Variants in SLC4A10 observed in about 807,000 individuals in gnomAD.
The protein encoded by SLC4A10 is solute carrier family 4 member 10.
A neutral mutation model predicts 137.7 loss-of-function variants in SLC4A10; 42 were observed. The observed-to-expected ratio is 0.30, with a 90% CI of 0.24 to 0.39. SLC4A10 has a LOEUF of 0.39. SLC4A10 is among the 10% of genes least tolerant of loss of function. The probability of loss-of-function intolerance (pLI) is 1.00; values close to 1 mark genes in which losing one functional copy is unlikely to be tolerated. For missense variants in SLC4A10, 925 were observed against 1,355.0 expected (o/e 0.68, Z 4.98); for synonymous variants, 474 against 464.1 (o/e 1.02, Z -0.27).
chr2:161,890,676 G>C (rs1052137007), intron 10 of SLC4A10, among the ~76,000 whole-genome samples: 1 of 151,516 alleles, frequency 6.6e-6, no homozygotes, highest in Admixed American at 6.7e-5. Context: ...TTTTGAGCCT[G>C]TGTGTGTCTT....
chr2:161,734,938 G>T (rs1167182564), intron 1 of SLC4A10, among the ~76,000 whole-genome samples: 5 of 151,940 alleles, frequency 3.3e-5, no homozygotes, highest in Non-Finnish European at 7.4e-5. Context: ...CATGAGGTCT[G>T]ATGGTTTTAA....
At chr2:161,738,264 C>T (rs1009437275) in intron 1 of SLC4A10, among the ~76,000 whole-genome samples, 3 of 152,126 alleles carry the variant, frequency 2.0e-5, no homozygotes, top group Non-Finnish European at 4.4e-5. Context: ...CTTGGGATCC[C>T]ACTTCTGACA....
intron 14 of SLC4A10, 65 bp downstream of exon 14, chr2:161,904,974 C>A (rs1245074350): frequency 6.6e-7 from 1 of 1,507,958 alleles, no homozygotes; most frequent in Non-Finnish European, 9.0e-7. Flanking sequence ...TTATACTTCT[C>A]CCAACATCAC....
At chr2:161,872,799 C>T (rs1369583376) in intron 7 of SLC4A10, among the ~76,000 whole-genome samples, 4 of 152,134 alleles carry the variant, frequency 2.6e-5, no homozygotes, top group Non-Finnish European at 4.4e-5. Context: ...CTGCAACCTC[C>T]GCCTCCTGGG....
chr2:161,887,979 G>T (rs1005146093), intron 10 of SLC4A10, among the ~76,000 whole-genome samples: 1 of 152,146 alleles, frequency 6.6e-6, no homozygotes, highest in Non-Finnish European at 1.5e-5. Flanking sequence ...ATTAATTTTT[G>T]TATAAGGTGT....
At chr2:161,925,884 A>C in intron 15 of SLC4A10, among the ~76,000 whole-genome samples, 1 of 151,930 alleles carries the variant, frequency 6.6e-6, no homozygotes, top group African/African-American at 2.4e-5. Flanking sequence ...CTTAATCCTG[A>C]GTTCTAGTTT....
intron 4 of SLC4A10, among the ~76,000 whole-genome samples, chr2:161,851,193 T>G (rs1478947897): frequency 1.3e-5 from 2 of 152,144 alleles, no homozygotes; most frequent in Non-Finnish European, 2.9e-5. Context: ...CTGTTTTTGT[T>G]GGGTGGAGTG....
At chr2:161,646,355 T>A (rs2036027729) in intron 1 of SLC4A10, among the ~76,000 whole-genome samples, 1 of 152,026 alleles carries the variant, frequency 6.6e-6, no homozygotes, top group South Asian at 2.1e-4. Context: ...AACTGAAATT[T>A]GCTTGATGAT....
At chr2:161,804,307 A>C in intron 2 of SLC4A10, 142 bp from the exon 3 acceptor site, 2 of 828,020 alleles carry the variant, frequency 2.4e-6, no homozygotes, top group African/African-American at 3.4e-5. Flanking sequence ...AGACAGTGCC[A>C]CGCTCCAAGC....
chr2:161,812,876 A>T (rs1294056106), intron 3 of SLC4A10, among the ~76,000 whole-genome samples: 1 of 152,030 alleles, frequency 6.6e-6, no homozygotes, highest in African/African-American at 2.4e-5. Flanking sequence ...TTTCCTCTGT[A>T]GTTTAATGTT....
Position 161,862,997 on chromosome 2 carries a change from C to A in SLC4A10, c.701C>A (p.Pro234His). 1 of 1,613,894 alleles carries A rather than the reference C, an allele frequency of 6.2e-7. No individual in the cohort carries two copies. The highest frequency in any genetic ancestry group is 8.5e-7 in the Non-Finnish European group (1 of 1,179,850). ...CAGAAAAAACTCACCAACAGGATTCCCATTGTTCGTTCCTTTGCTGATATT... is the reference window on the plus strand; with the variant it reads ...CAGAAAAAACTCACCAACAGGATTCACATTGTTCGTTCCTTTGCTGATATT... Reference protein sequence around the residue: ...QNQKKLTNRIPIVRSFADIGK... With the variant: ...QNQKKLTNRIHIVRSFADIGK... The change falls in exon 6 of 27, where the codon CCC (proline) becomes CAC (histidine). Residue 234 changes from proline (P) to histidine (H), a missense_variant. Transcript: ENST00000446997.
At position 161,839,774 on chromosome 2, in the gene SLC4A10, T is replaced by A; in HGVS notation, c.278-15T>A. 3 of 1,613,160 alleles carry A rather than the reference T, an allele frequency of 1.9e-6. No individual in the cohort carries two copies. The highest frequency in any genetic ancestry group is 2.5e-6 in the Non-Finnish European group (3 of 1,179,458). On this transcript the variant is annotated splice_polypyrimidine_tract_variant and intron_variant, in intron 3 of 26. Transcript: ENST00000446997. ...TAATACATGTTCATGGTAATACATG[T>A]CTCTGATTTTTTAGACACCCCATCA...
chr2:161,726,647 A>T (rs2125152052), intron 1 of SLC4A10, among the ~76,000 whole-genome samples: 1 of 152,298 alleles, frequency 6.6e-6, no homozygotes, highest in South Asian at 2.1e-4. Flanking sequence ...GGTGGCTCAC[A>T]CCTGTAGTCC....
chr2:161,930,984 T>C (rs553441305), intron 15 of SLC4A10, among the ~76,000 whole-genome samples: 1 of 152,148 alleles, frequency 6.6e-6, no homozygotes, highest in Non-Finnish European at 1.5e-5. Flanking sequence ...CAAGCTGAAG[T>C]GCAGTGGCAC....
At chr2:161,696,284 T>C (rs983256283) in intron 1 of SLC4A10, among the ~76,000 whole-genome samples, 6 of 151,686 alleles carry the variant, frequency 4.0e-5, no homozygotes, top group African/African-American at 1.5e-4. Context: ...GGTGTATATG[T>C]GCCACATTTT....
At chr2:161,802,085 T>G (rs923299010) in intron 2 of SLC4A10, among the ~76,000 whole-genome samples, 2 of 152,124 alleles carry the variant, frequency 1.3e-5, no homozygotes, top group Admixed American at 1.3e-4. Flanking sequence ...TTGTGCATTT[T>G]AATTGTCTAT....
chr2:161,748,436 T>TTGTGTGTGTGTG (rs144251917), intron 1 of SLC4A10, among the ~76,000 whole-genome samples: 164 of 142,510 alleles, frequency 1.2e-3, no homozygotes, highest in African/African-American at 4.1e-3. Context: ...CATTTTGAGT[T>TTGTGTGTGTGTG]TGTGTGTGTG....
At chr2:161,660,556 A>ATTTCTTCCTTTC (rs1553479717) in intron 1 of SLC4A10, among the ~76,000 whole-genome samples, 9 of 110,436 alleles carry the variant, frequency 8.1e-5, no homozygotes, top group Non-Finnish European at 1.3e-4. Context: ...ACTCATCTAT[A>ATTTCTTCCTTTC]TTTCTTTCTT....
chr2:161,829,616 A>T (rs1184511182), intron 3 of SLC4A10, among the ~76,000 whole-genome samples: 1 of 152,202 alleles, frequency 6.6e-6, no homozygotes, highest in Non-Finnish European at 1.5e-5. Context: ...CAGTAATTTC[A>T]TTCCACTTGA....
Sources: allele counts gnomAD v4.1 joint callset (sites outside exome capture counted in the v4.1 genomes callset), GRCh38; gene constraint gnomAD v4.1.1; transcripts MANE v1.5; gene names NCBI Gene and HGNC (gene_info 2026-07-23, HGNC 2026-07-21).